The following SGIP1 variants were observed in gnomAD, a reference collection of about 807,000 sequenced individuals.
SGIP1 encodes the protein SH3GL interacting endocytic adaptor 1, also known as SH3-containing GRB2-like protein 3-interacting protein 1.
SGIP1 carries 38 observed loss-of-function variants against 107.5 expected under a neutral mutation model. The observed-to-expected ratio is 0.35, with a 90% CI of 0.27 to 0.46. The LOEUF (loss-of-function observed/expected upper bound fraction) is 0.46, where lower values mean the gene tolerates loss of function less well. Among genes scored for constraint, SGIP1 ranks in the 20% least tolerant of loss-of-function variants. The pLI is 1.00. For missense variants in SGIP1, 929 were observed against 1,019.5 expected, an observed-to-expected ratio of 0.91 and a Z score of 1.21; for synonymous variants, 365 against 366.1, an observed-to-expected ratio of 1.00 and a Z score of 0.03.
chr1:66,661,649 A>C (rs1334320858), intron 8 of SGIP1, among the ~76,000 whole-genome samples: 1 of 152,176 alleles, frequency 6.6e-6, no homozygotes, highest in Non-Finnish European at 1.5e-5. Context: ...GTGGCAGCAA[A>C]ATATTACTGG....
intron 2 of SGIP1, among the ~76,000 whole-genome samples, chr1:66,631,162 A>T (rs1162711314): frequency 6.6e-6 from 1 of 152,082 alleles, no homozygotes; most frequent in Non-Finnish European, 1.5e-5. Context: ...ATGAGTATGG[A>T]TTGGTACCTA....
At chr1:66,555,783 G>A (rs2058087351) in intron 1 of SGIP1, among the ~76,000 whole-genome samples, 1 of 152,074 alleles carries the variant, frequency 6.6e-6, no homozygotes, top group African/African-American at 2.4e-5. Flanking sequence ...GGAGAAAAAA[G>A]CACTACCTAT....
intron 1 of SGIP1, among the ~76,000 whole-genome samples, chr1:66,566,023 G>A (rs1043934410): frequency 2.0e-5 from 3 of 151,904 alleles, no homozygotes; most frequent in South Asian, 2.1e-4. Context: ...AGGTCCTTAC[G>A]GCTTCAGTTA....
intron 1 of SGIP1, among the ~76,000 whole-genome samples, chr1:66,561,659 T>G (rs72916334): frequency 0.053 from 8,083 of 152,024 alleles, 738 homozygotes; most frequent in African/African-American, 0.19. Context: ...TCTGGTAGGG[T>G]GCAAAGTAAA....
At chr1:66,585,624 C>T (rs1442055926) in intron 1 of SGIP1, among the ~76,000 whole-genome samples, 1 of 147,186 alleles carries the variant, frequency 6.8e-6, no homozygotes, top group African/African-American at 2.5e-5. Flanking sequence ...TGTTATTTTA[C>T]ACCCAGCTAA....
chr1:66,706,833 G>T (rs1202131401), intron 18 of SGIP1, among the ~76,000 whole-genome samples: 1 of 152,058 alleles, frequency 6.6e-6, no homozygotes, highest in Non-Finnish European at 1.5e-5. Flanking sequence ...GTATAATTAT[G>T]CATCCTTTTA....
rs369801532 is a variant in SGIP1 at position 66,670,906 on chromosome 1, T to C, written c.484-89T>C. On this transcript the variant is annotated intron_variant, in intron 9 of 24. Transcript: ENST00000371037. ...ATTTCCCTATCTGCATTTATTTGAG[T>C]TCAGTTTAATTGCAATGACAGAAAT... The C allele has an allele frequency of 2.7e-5, 16 of 594,122 alleles. No individual in the cohort carries two copies. The South Asian group carries it at 3.0e-4, about 11-fold the overall frequency. 36.8% of individuals were successfully genotyped at this position (594,122 alleles called of 1,614,324 possible).
At chr1:66,669,219 G>A (rs2083240707) in intron 9 of SGIP1, among the ~76,000 whole-genome samples, 1 of 152,144 alleles carries the variant, frequency 6.6e-6, no homozygotes, top group East Asian at 1.9e-4. Flanking sequence ...AATGTTACAG[G>A]GGCTTCTTCT....
chr1:66,659,395 G>C (rs2080426522), intron 7 of SGIP1, among the ~76,000 whole-genome samples: 1 of 152,156 alleles, frequency 6.6e-6, no homozygotes, highest in Non-Finnish European at 1.5e-5. Flanking sequence ...ATTAAGGATG[G>C]GATCAAAGAA....
At chr1:66,587,728 A>G (rs1316634632) in intron 1 of SGIP1, among the ~76,000 whole-genome samples, 1 of 152,150 alleles carries the variant, frequency 6.6e-6, no homozygotes, top group Non-Finnish European at 1.5e-5. Context: ...ATAGTGGAAC[A>G]AAGATCCTAT....
chr1:66,715,591 A>C (rs1316994854), intron 18 of SGIP1, among the ~76,000 whole-genome samples: 1 of 152,120 alleles, frequency 6.6e-6, no homozygotes, highest in Non-Finnish European at 1.5e-5. Context: ...TCCAATTGCC[A>C]TCTGCGAGCT....
chr1:66,549,683 C>T (rs970600038), intron 1 of SGIP1, among the ~76,000 whole-genome samples: 1 of 152,190 alleles, frequency 6.6e-6, no homozygotes, highest in Non-Finnish European at 1.5e-5. Context: ...TTCCCCAGAA[C>T]TTGCTACAAG....
At chr1:66,684,288 C>CGA in intron 15 of SGIP1, 2 of 1,485,736 alleles carry the variant, frequency 1.3e-6, no homozygotes, top group Admixed American at 2.0e-5. Flanking sequence ...CTACTGACAC[C>CGA]CATCTACACT....
At chr1:66,681,222 T>C (rs534637258) in intron 14 of SGIP1, among the ~76,000 whole-genome samples, 1 of 152,206 alleles carries the variant, frequency 6.6e-6, no homozygotes, top group African/African-American at 2.4e-5. Flanking sequence ...GGTGTATATA[T>C]CTGTATTTGT....
intron 1 of SGIP1, among the ~76,000 whole-genome samples, chr1:66,583,375 G>C (rs906317265): frequency 4.6e-4 from 70 of 152,034 alleles, no homozygotes; most frequent in African/African-American, 1.7e-3. Flanking sequence ...ACTGAGTCTT[G>C]GGGAGTAGGC....
intron 7 of SGIP1, among the ~76,000 whole-genome samples, chr1:66,649,294 C>T (rs940725406): frequency 2.0e-5 from 3 of 152,170 alleles, no homozygotes; most frequent in Non-Finnish European, 2.9e-5. Flanking sequence ...TCTTTAAACA[C>T]AAACAGAAAC....
chr1:66,541,861 G>A (rs916479751), intron 1 of SGIP1, among the ~76,000 whole-genome samples: 2 of 152,090 alleles, frequency 1.3e-5, no homozygotes, highest in Non-Finnish European at 2.9e-5. Flanking sequence ...TATCTCAGTT[G>A]CTGTACTAGG....
chr1:66,672,213 GT>G (rs914245472), intron 11 of SGIP1, among the ~76,000 whole-genome samples: 4 of 152,172 alleles, frequency 2.6e-5, no homozygotes, highest in Non-Finnish European at 4.4e-5. Flanking sequence ...CTTATCTGAA[GT>G]AACTGTCTAT....
intron 1 of SGIP1, among the ~76,000 whole-genome samples, chr1:66,611,345 A>G (rs2067960229): frequency 6.6e-6 from 1 of 152,226 alleles, no homozygotes. Flanking sequence ...ATGTGGGAGT[A>G]GAGCTCAGGG....
Sources: gnomAD v4.1 joint callset for allele counts (sites outside exome capture counted in the v4.1 genomes callset) on GRCh38, gnomAD v4.1.1 for gene constraint, MANE v1.5 for transcripts, NCBI Gene and HGNC (gene_info 2026-07-23, HGNC 2026-07-21) for gene names.